The following NMNAT3 variants were observed in gnomAD, a reference collection of about 807,000 sequenced individuals.
NMNAT3 encodes nicotinamide nucleotide adenylyltransferase 3.
NMNAT3 carries 21 observed loss-of-function variants against 24.8 expected under a neutral mutation model. That is an observed-to-expected ratio of 0.85 (90% confidence interval 0.60 to 1.22). The LOEUF is 1.22. Ranked by LOEUF, NMNAT3 falls within the 50% of genes most tolerant of loss-of-function variation. The pLI is 0.00. For synonymous variants in NMNAT3, 136 were observed against 155.2 expected (o/e 0.88, Z 0.92); for missense variants, 387 against 436.6 (o/e 0.89, Z 1.01).
chr3:139,593,641 C>T (rs2108182516), intron 3 of NMNAT3, among the ~76,000 whole-genome samples: 1 of 151,070 alleles, frequency 6.6e-6, no homozygotes, highest in East Asian at 2.0e-4. Context: ...CAAACTAGAA[C>T]TCAGGATTAA....
chr3:139,645,407 CT>C (rs1046316825), intron 1 of NMNAT3, among the ~76,000 whole-genome samples: 3 of 152,142 alleles, frequency 2.0e-5, no homozygotes, highest in African/African-American at 7.2e-5. Flanking sequence ...AAACTTGTCT[CT>C]CATAAAATGA....
At chr3:139,589,475 G>C (rs1479045801) in intron 3 of NMNAT3, among the ~76,000 whole-genome samples, 1 of 152,188 alleles carries the variant, frequency 6.6e-6, no homozygotes, top group Non-Finnish European at 1.5e-5. Flanking sequence ...TGGAAAGCAG[G>C]ATAGCATTGG....
chr3:139,631,029 T>C (rs1280018202), intron 2 of NMNAT3, among the ~76,000 whole-genome samples: 1 of 152,234 alleles, frequency 6.6e-6, no homozygotes, highest in Non-Finnish European at 1.5e-5. Context: ...CCAGAAACTA[T>C]AAATTAGAAC....
chr3:139,629,641 T>C (rs1490778486), intron 2 of NMNAT3, among the ~76,000 whole-genome samples: 1 of 152,188 alleles, frequency 6.6e-6, no homozygotes, highest in Non-Finnish European at 1.5e-5. Flanking sequence ...CACAGGAACC[T>C]GGGACCCTGC....
chr3:139,595,054 T>C (rs1174467512), intron 3 of NMNAT3, among the ~76,000 whole-genome samples: 11 of 152,302 alleles, frequency 7.2e-5, no homozygotes, highest in Admixed American at 6.5e-4. Flanking sequence ...ATTGTGTATC[T>C]AGAAAACCCC....
intron 3 of NMNAT3, among the ~76,000 whole-genome samples, chr3:139,602,467 G>GTTCC (rs1401893216): frequency 2.6e-5 from 4 of 152,216 alleles, no homozygotes; most frequent in Non-Finnish European, 5.9e-5. Flanking sequence ...ATTAATGTCA[G>GTTCC]TTCCTTCTGG....
chr3:139,619,644 G>A (rs1430065032), intron 3 of NMNAT3, among the ~76,000 whole-genome samples: 2 of 152,074 alleles, frequency 1.3e-5, no homozygotes, highest in East Asian at 3.9e-4. Context: ...TACAAGCCCT[G>A]CCCCCTGGTA....
chr3:139,642,671 G>C (rs569304897), intron 1 of NMNAT3, among the ~76,000 whole-genome samples: 2 of 152,108 alleles, frequency 1.3e-5, no homozygotes, highest in Admixed American at 1.3e-4. Flanking sequence ...GGGCACCATG[G>C]GGACATTGAT....
chr3:139,652,593 C>T (rs977611210), intron 1 of NMNAT3, among the ~76,000 whole-genome samples: 1 of 152,176 alleles, frequency 6.6e-6, no homozygotes, highest in Non-Finnish European at 1.5e-5. Flanking sequence ...GGGGCAACAG[C>T]ACTTCTCAGT....
Position 139,578,993 on chromosome 3 carries a change from G to C in NMNAT3, c.454C>G (p.Leu152Val). Residue 152 changes from leucine (L) to valine (V), a missense_variant, in exon 5 of 7, where the codon CTC (leucine) becomes GTC (valine). Physicochemically the swap from Leu to Val is conservative, Grantham distance 32 (BLOSUM62 1). Around this residue, in one of 3 missense-constraint regions of NMNAT3, gnomAD observed 323 missense variants for 345.2 expected, o/e 0.94. Transcript: ENST00000643695. ...GCCACTCGGTGATGAGAAGCTGCGA[G>C]GTCTTTCTTCCCATAGGTGTCGTTG... The C allele has an allele frequency of 6.2e-7, 1 of 1,614,170 alleles. No individual in the cohort carries two copies. Among genetic ancestry groups the C allele is most frequent in the African/African-American group, 1.3e-5 (1 of 75,048 alleles).
intron 3 of NMNAT3, chr3:139,599,514 T>A (rs1040192772): frequency 2.1e-5 from 14 of 653,882 alleles, no homozygotes; most frequent in African/African-American, 2.0e-4. Context: ...AAGAATCAAG[T>A]AACAAAGAAG....
chr3:139,647,817 T>C (rs985520061), intron 1 of NMNAT3, among the ~76,000 whole-genome samples: 3 of 152,308 alleles, frequency 2.0e-5, no homozygotes, highest in African/African-American at 7.2e-5. Context: ...TCCAAAATTG[T>C]GAGAAAATAA....
chr3:139,648,095 GA>G (rs2056929248), intron 1 of NMNAT3, among the ~76,000 whole-genome samples: 1 of 152,230 alleles, frequency 6.6e-6, no homozygotes, highest in Non-Finnish European at 1.5e-5. Context: ...ACCACATGTT[GA>G]GGGAGGGATC....
chr3:139,563,262 C>G (rs1462092777), intron 6 of NMNAT3, among the ~76,000 whole-genome samples: 1 of 152,174 alleles, frequency 6.6e-6, no homozygotes, highest in Non-Finnish European at 1.5e-5. Context: ...AAGTTTTACT[C>G]CAATTTCTTA....
chr3:139,636,625 G>A (rs564318057), intron 2 of NMNAT3: 20 of 152,294 alleles, frequency 1.3e-4, no homozygotes, highest in Admixed American at 4.6e-4. Context: ...TCCTAGATGG[G>A]TCTTTTCCAA....
intron 1 of NMNAT3, among the ~76,000 whole-genome samples, chr3:139,664,736 C>T (rs1287165582): frequency 6.6e-6 from 1 of 152,160 alleles, no homozygotes; most frequent in Admixed American, 6.5e-5. Flanking sequence ...TAGAAAGAAT[C>T]TTGAATATAA....
intron 1 of NMNAT3, among the ~76,000 whole-genome samples, chr3:139,646,828 G>A (rs2056887155): frequency 6.6e-6 from 1 of 152,218 alleles, no homozygotes; most frequent in African/African-American, 2.4e-5. Context: ...TTTTTGCAGG[G>A]AGGACTGAAG....
intron 1 of NMNAT3, among the ~76,000 whole-genome samples, chr3:139,640,010 C>T (rs569840011): frequency 2.6e-4 from 40 of 152,340 alleles, no homozygotes; most frequent in African/African-American, 8.2e-4. Context: ...TACATGGCCA[C>T]AGTCCAGCTG....
chr3:139,563,775 T>G (rs1367907841), intron 6 of NMNAT3, among the ~76,000 whole-genome samples: 1 of 152,158 alleles, frequency 6.6e-6, no homozygotes, highest in African/African-American at 2.4e-5. Flanking sequence ...TTTACAACAC[T>G]GTTACAAAAT....
Sources: gnomAD v4.1 joint callset for allele counts (sites outside exome capture counted in the v4.1 genomes callset) on GRCh38, gnomAD v4.1.1 for gene constraint, gnomAD v4.1.1 regional missense constraint, MANE v1.5 for transcripts, NCBI Gene and HGNC (gene_info 2026-07-23, HGNC 2026-07-21) for gene names.